THSD7B: variants seen among roughly 807,000 people sequenced by gnomAD.
The protein encoded by THSD7B is thrombospondin type 1 domain containing 7B, also known as thrombospondin type-1 domain-containing protein 7B.
A neutral mutation model predicts 213.6 loss-of-function variants in THSD7B; 138 were observed. The observed-to-expected ratio is 0.65, with a 90% CI of 0.56 to 0.74. THSD7B has a LOEUF of 0.74. THSD7B is among the 30% of genes least tolerant of loss of function. The pLI is 0.00. For missense variants in THSD7B, 1,931 were observed against 1,991.5 expected, an observed-to-expected ratio of 0.97 and a Z score of 0.58; for synonymous variants, 742 against 687.0, an observed-to-expected ratio of 1.08 and a Z score of -1.25.
At position 137,402,757 on chromosome 2, in the gene THSD7B, A is replaced by G. The variant is rs180914670; in HGVS notation, c.2501-2856A>G. ...CATGAACCCAGCAGGCGGAGGTTGC[A>G]GTGAGCTGAGATCACATCACTGCAC... is the stretch of plus-strand genomic sequence containing the variant. On this transcript the variant is annotated intron_variant, in intron 12 of 27. Coordinates refer to ENST00000409968, the MANE Select transcript of THSD7B (RefSeq NM_001316349.2). Among the ~76,000 whole-genome samples the G allele has an allele frequency of 1.7e-4, 25 of 148,942 alleles. No individual in the cohort carries two copies. In the East Asian group the frequency reaches 4.7e-3, roughly 28 times the overall value.
In THSD7B at chr2:137,676,627, T is replaced by TAG. The variant is rs1683708389; in HGVS notation, c.*24_*25dup. On this transcript the variant is annotated 3_prime_UTR_variant, in exon 28 of 28. Transcript: ENST00000409968. ...GTAATCTGAAAAAGAAATCCAAATGTAGACATCAACTGCCTTAACCGCTTT... is the reference window on the plus strand; with the variant it reads ...GTAATCTGAAAAAGAAATCCAAATGTAGAGACATCAACTGCCTTAACCGCTTT... 6.5e-7 allele frequency: 1 copy of TAG among 1,543,352 alleles called. No homozygotes were observed. The highest frequency in any genetic ancestry group is 8.7e-7 in the Non-Finnish European group (1 of 1,149,060).
At chr2:137,414,053 G>T (rs950737379) in intron 14 of THSD7B, among the ~76,000 whole-genome samples, 1 of 152,078 alleles carries the variant, frequency 6.6e-6, no homozygotes. Flanking sequence ...TTTGTGGAGG[G>T]TTTTTTAATT....
Position 137,494,825 on chromosome 2 carries a change from T to A in THSD7B, c.3138+43802T>A, listed in dbSNP as rs370350258. ...AGTCATCTAGAATTACATGCAAACA[T>A]CTTTTCTTTCCCACAAACAGTATAC... is the stretch of plus-strand genomic sequence containing the variant. On this transcript the variant is annotated intron_variant, in intron 15 of 27. Transcript: ENST00000409968. 1.6e-4 allele frequency among the ~76,000 whole-genome samples: 25 copies of A among 152,256 alleles called. 1 individual carries two copies. In the South Asian group the frequency reaches 5.2e-3, roughly 32 times the overall value.
chr2:137,437,858 A>T (rs899388739), intron 14 of THSD7B, among the ~76,000 whole-genome samples: 2 of 152,140 alleles, frequency 1.3e-5, no homozygotes, highest in Non-Finnish European at 2.9e-5. Context: ...TTGTTTGACT[A>T]GGAAATAGAT....
chr2:137,394,479 C>T (rs1288756764), intron 12 of THSD7B, among the ~76,000 whole-genome samples: 4 of 137,750 alleles, frequency 2.9e-5, no homozygotes, highest in African/African-American at 8.1e-5. Flanking sequence ...TGTAGATATG[C>T]GGCGTTATTT....
chr2:137,352,353 T>C (rs533053393), intron 12 of THSD7B, among the ~76,000 whole-genome samples: 1 of 152,086 alleles, frequency 6.6e-6, no homozygotes, highest in East Asian at 1.9e-4. Context: ...TGATTGCCTC[T>C]GAAAGTCCAC....
chr2:137,614,076 C>T (rs989951116), intron 17 of THSD7B, among the ~76,000 whole-genome samples: 3 of 152,042 alleles, frequency 2.0e-5, no homozygotes, highest in Non-Finnish European at 4.4e-5. Context: ...TCCTCTTTGC[C>T]TGTTTCTATG....
intron 2 of THSD7B, among the ~76,000 whole-genome samples, chr2:137,041,996 T>A (rs898401313): frequency 1.3e-5 from 2 of 152,214 alleles, no homozygotes; most frequent in East Asian, 3.8e-4. Context: ...TCTGAATTAG[T>A]TTGTGCCTTT....
chr2:137,400,338 C>T (rs1378800968), intron 12 of THSD7B, among the ~76,000 whole-genome samples: 2 of 151,598 alleles, frequency 1.3e-5, no homozygotes, highest in Admixed American at 6.6e-5. Flanking sequence ...GCATTGATTT[C>T]TGCGCATCTA....
rs142308297 is a variant in THSD7B at position 136,818,719 on chromosome 2, G to T, written c.-36+53032G>T. Among the ~76,000 whole-genome samples the T allele has an allele frequency of 8.0e-3, 1,223 of 152,064 alleles. 28 individuals are homozygous for T. Among genetic ancestry groups the T allele is most frequent in the African/African-American group, 0.027 (1,139 of 41,452 alleles). Reference sequence around the variant, plus strand: ...GTTCTTCAGCCTCTATGTGAAATTGGTTAACATGAGTGTTAAGGCCAATGG... The same window carrying T: ...GTTCTTCAGCCTCTATGTGAAATTGTTTAACATGAGTGTTAAGGCCAATGG... On this transcript the variant is annotated intron_variant, in intron 1 of 27. Coordinates refer to ENST00000409968, the MANE Select transcript of THSD7B (RefSeq NM_001316349.2).
chr2:137,262,572 A>T (rs184391251), intron 10 of THSD7B, among the ~76,000 whole-genome samples: 1 of 152,322 alleles, frequency 6.6e-6, no homozygotes, highest in East Asian at 1.9e-4. Flanking sequence ...TTTATACTGC[A>T]CAATTCCAAT....
chr2:137,297,836 G>A (rs1334266148), intron 12 of THSD7B, among the ~76,000 whole-genome samples: 1 of 152,080 alleles, frequency 6.6e-6, no homozygotes, highest in African/African-American at 2.4e-5. Flanking sequence ...CCATAATTGT[G>A]AGACCTCCTC....
At chr2:137,052,457 AC>A (rs909233510) in intron 2 of THSD7B, among the ~76,000 whole-genome samples, 1 of 151,978 alleles carries the variant, frequency 6.6e-6, no homozygotes, top group Non-Finnish European at 1.5e-5. Context: ...TGTTTTTTTC[AC>A]TAGGCATATA....
chr2:136,877,518 C>T (rs1235493190), intron 1 of THSD7B, among the ~76,000 whole-genome samples: 1 of 152,168 alleles, frequency 6.6e-6, no homozygotes, highest in African/African-American at 2.4e-5. Context: ...TATTGGTATG[C>T]AGTGTAGAAA....
At chr2:137,038,316 G>A (rs1686815289) in intron 2 of THSD7B, among the ~76,000 whole-genome samples, 1 of 152,052 alleles carries the variant, frequency 6.6e-6, no homozygotes, top group Non-Finnish European at 1.5e-5. Flanking sequence ...CACAGAGAAG[G>A]GGTTGAAAGC....
intron 15 of THSD7B, among the ~76,000 whole-genome samples, chr2:137,549,467 G>A (rs1680804968): frequency 6.6e-6 from 1 of 151,818 alleles, no homozygotes; most frequent in Non-Finnish European, 1.5e-5. Flanking sequence ...GATGGTAAAA[G>A]CAGTGATAGG....
At chr2:137,236,148 A>T (rs181712425) in intron 9 of THSD7B, among the ~76,000 whole-genome samples, 1 of 152,334 alleles carries the variant, frequency 6.6e-6, no homozygotes, top group African/African-American at 2.4e-5. Context: ...CCCCTGTCAT[A>T]TATGAAATCT....
At chr2:137,348,176 A>G (rs1684920606) in intron 12 of THSD7B, among the ~76,000 whole-genome samples, 1 of 151,762 alleles carries the variant, frequency 6.6e-6, no homozygotes, top group African/African-American at 2.4e-5. Context: ...ATGAATATCC[A>G]ATTGATGTAG....
intron 2 of THSD7B, among the ~76,000 whole-genome samples, chr2:137,027,895 A>G (rs1420607573): frequency 6.6e-6 from 1 of 152,190 alleles, no homozygotes; most frequent in African/African-American, 2.4e-5. Context: ...TTTCTTCATC[A>G]TCAGAGAGGA....
Sources: allele counts gnomAD v4.1 joint callset (sites outside exome capture counted in the v4.1 genomes callset), GRCh38; gene constraint gnomAD v4.1.1; transcripts MANE v1.5; gene names NCBI Gene and HGNC (gene_info 2026-07-23, HGNC 2026-07-21).